The following PCDH15 variants were observed in gnomAD, a reference collection of about 807,000 sequenced individuals.
PCDH15 encodes the protein protocadherin-15.
In PCDH15, 129 loss-of-function variants were observed where a neutral mutation model predicts 178.5. That is an observed-to-expected ratio of 0.72 (90% CI 0.63 to 0.84). PCDH15 has a LOEUF of 0.84. Among genes scored for constraint, PCDH15 ranks in the 40% least tolerant of loss-of-function variants. The pLI is 0.00. For synonymous variants in PCDH15, 800 were observed against 732.0 expected (o/e 1.09, Z -1.50); for missense variants, 2,230 against 2,099.9 (o/e 1.06, Z -1.21).
chr10:54,661,095 G>A (rs2094484200), intron 2 of PCDH15, among the ~76,000 whole-genome samples: 1 of 151,980 alleles, frequency 6.6e-6, no homozygotes, highest in African/African-American at 2.4e-5. Context: ...TTGAAAAAGA[G>A]GAAGTCAAAT....
intron 2 of PCDH15, among the ~76,000 whole-genome samples, chr10:54,594,086 T>G (rs972816805): frequency 2.0e-5 from 3 of 152,064 alleles, no homozygotes; most frequent in African/African-American, 7.2e-5. Flanking sequence ...TCCCAGCAAC[T>G]CCTGTGGAAG....
At chr10:54,284,512 G>C (rs1328604004) in intron 8 of PCDH15, among the ~76,000 whole-genome samples, 1 of 152,128 alleles carries the variant, frequency 6.6e-6, no homozygotes, top group Non-Finnish European at 1.5e-5. Flanking sequence ...TTTTATCTGA[G>C]GAATTCGTTA....
intron 2 of PCDH15, among the ~76,000 whole-genome samples, chr10:55,473,651 C>T (rs1414363725): frequency 2.0e-5 from 3 of 152,034 alleles, no homozygotes; most frequent in Admixed American, 2.0e-4. Flanking sequence ...GAAAATAACC[C>T]CTATTGGTGA....
At chr10:54,030,780 C>T (rs1245620005) in intron 18 of PCDH15, among the ~76,000 whole-genome samples, 1 of 152,004 alleles carries the variant, frequency 6.6e-6, no homozygotes, top group East Asian at 1.9e-4. Flanking sequence ...AACTCTCTGA[C>T]ACAAACTCTG....
chr10:54,787,615 C>G (rs1951011953), intron 1 of PCDH15, among the ~76,000 whole-genome samples: 1 of 151,896 alleles, frequency 6.6e-6, no homozygotes, highest in Non-Finnish European at 1.5e-5. Context: ...ACAGGATGAG[C>G]CAGTATGGAC....
At chr10:55,626,601 C>T (rs774748847) in intron 2 of PCDH15, among the ~76,000 whole-genome samples, 6 of 152,234 alleles carry the variant, frequency 3.9e-5, no homozygotes, top group Non-Finnish European at 5.9e-5. Flanking sequence ...ATGCTTGCCA[C>T]GTAAATTGTA....
At chr10:53,849,284 AT>A (rs1466230703) in intron 28 of PCDH15, among the ~76,000 whole-genome samples, 1 of 151,712 alleles carries the variant, frequency 6.6e-6, no homozygotes, top group Non-Finnish European at 1.5e-5. Context: ...TCTTTTTTTT[AT>A]ATTACATCTC....
At chr10:54,613,651 C>T (rs1055512315) in intron 2 of PCDH15, among the ~76,000 whole-genome samples, 3 of 151,388 alleles carry the variant, frequency 2.0e-5, no homozygotes, top group African/African-American at 7.3e-5. Context: ...AATCTGAAGA[C>T]AATTAAGCAA....
chr10:54,467,177 G>A (rs2077573588), intron 3 of PCDH15, among the ~76,000 whole-genome samples: 1 of 151,652 alleles, frequency 6.6e-6, no homozygotes, highest in Admixed American at 6.6e-5. Context: ...TGCTGGCTAG[G>A]CCTTTGAGTA....
At chr10:55,573,626 T>C (rs1842446092) in intron 2 of PCDH15, among the ~76,000 whole-genome samples, 2 of 152,128 alleles carry the variant, frequency 1.3e-5, no homozygotes, top group African/African-American at 4.8e-5. Context: ...TTTTGACATT[T>C]TAACTGTTTA....
chr10:54,985,068 C>G (rs770643380), intron 2 of PCDH15, among the ~76,000 whole-genome samples: 4 of 151,938 alleles, frequency 2.6e-5, no homozygotes, highest in Non-Finnish European at 4.4e-5. Flanking sequence ...ATTATATGAC[C>G]TATATGTTAG....
intron 3 of PCDH15, among the ~76,000 whole-genome samples, chr10:54,843,466 G>A (rs1953453457): frequency 6.6e-6 from 1 of 151,936 alleles, no homozygotes; most frequent in Non-Finnish European, 1.5e-5. Context: ...ATGTGTGTCT[G>A]ACAGGCTGAC....
intron 1 of PCDH15, among the ~76,000 whole-genome samples, chr10:54,764,054 C>T (rs567734780): frequency 6.6e-6 from 1 of 151,834 alleles, no homozygotes; most frequent in African/African-American, 2.4e-5. Context: ...CTGGGCTCAA[C>T]ATGTAATGAT....
chr10:54,869,645 A>C (rs113254666), intron 3 of PCDH15, among the ~76,000 whole-genome samples: 6 of 152,306 alleles, frequency 3.9e-5, no homozygotes, highest in African/African-American at 1.4e-4. Flanking sequence ...TATTTTCTTC[A>C]TATGATTTTA....
intron 18 of PCDH15, among the ~76,000 whole-genome samples, chr10:54,064,289 AGGCTGGCTGGCTCCAG>A (rs1220744154): frequency 6.6e-6 from 1 of 152,198 alleles, no homozygotes; most frequent in East Asian, 1.9e-4. Flanking sequence ...TGTCTGTGTG[AGGCTGGCTGGCTCCAG>A]GGTTTTTTTG....
At chr10:55,431,722 T>G (rs950604813) in intron 2 of PCDH15, among the ~76,000 whole-genome samples, 2 of 152,160 alleles carry the variant, frequency 1.3e-5, no homozygotes, top group African/African-American at 4.8e-5. Context: ...TCCAAAATTC[T>G]ATGTTACTTT....
At chr10:54,105,135 C>T (rs1193284314) in intron 15 of PCDH15, among the ~76,000 whole-genome samples, 1 of 150,860 alleles carries the variant, frequency 6.6e-6, no homozygotes, top group Non-Finnish European at 1.5e-5. Context: ...CTCCAGAAAC[C>T]CCAAAACCAA....
At chr10:55,423,275 G>A (rs191059768) in intron 2 of PCDH15, among the ~76,000 whole-genome samples, 1 of 152,048 alleles carries the variant, frequency 6.6e-6, no homozygotes, top group East Asian at 1.9e-4. Flanking sequence ...TAAAGGGAAG[G>A]ATGAATAAAG....
At chr10:54,052,525 CAT>C (rs2135645489) in intron 18 of PCDH15, among the ~76,000 whole-genome samples, 1 of 152,258 alleles carries the variant, frequency 6.6e-6, no homozygotes, top group Non-Finnish European at 1.5e-5. Flanking sequence ...ATTTAGAATG[CAT>C]GTGTTTATCC....
Sources: allele counts gnomAD v4.1 joint callset (sites outside exome capture counted in the v4.1 genomes callset), GRCh38; gene constraint gnomAD v4.1.1; transcripts MANE v1.5; gene names NCBI Gene and HGNC (gene_info 2026-07-23, HGNC 2026-07-21).